Variants in CSMD1 observed in about 807,000 individuals in gnomAD.
CSMD1 encodes CUB and Sushi multiple domains 1.
CSMD1 carries 213 observed loss-of-function variants against 417.5 expected under a neutral mutation model. The observed-to-expected ratio is 0.51, with a 90% CI of 0.46 to 0.57. The LOEUF is 0.57. Ranked by LOEUF, CSMD1 falls within the 20% of genes least tolerant of loss-of-function variation. The pLI, the probability that CSMD1 is intolerant of heterozygous loss-of-function variation, is 0.00. For missense variants in CSMD1, 6,923 were observed against 4,529.7 expected (o/e 1.53, Z -15.17); for synonymous variants, 2,862 against 1,736.8 (o/e 1.65, Z -16.11).
intron 4 of CSMD1, among the ~76,000 whole-genome samples, chr8:4,002,970 T>C (rs550758338): frequency 6.6e-6 from 1 of 152,236 alleles, no homozygotes; most frequent in Admixed American, 6.5e-5. Context: ...AATAACTTTA[T>C]AAGTAAACCA....
At chr8:4,024,368 A>T (rs1056069481) in intron 4 of CSMD1, among the ~76,000 whole-genome samples, 2 of 152,230 alleles carry the variant, frequency 1.3e-5, no homozygotes, top group African/African-American at 4.8e-5. Context: ...CTGTGGCATA[A>T]GAGTATGGAT....
intron 10 of CSMD1, among the ~76,000 whole-genome samples, chr8:3,508,372 G>C (rs997719250): frequency 1.3e-5 from 2 of 151,676 alleles, no homozygotes; most frequent in East Asian, 2.0e-4. Context: ...CAGGGGGAGG[G>C]GGGAGGGATA....
rs573100500 is a variant in CSMD1 at position 3,503,786 on chromosome 8, A to T, written c.1345-10060T>A. On this transcript the variant is annotated intron_variant, in intron 10 of 69. Coordinates refer to ENST00000635120, the MANE Select transcript of CSMD1 (RefSeq NM_033225.6). Reference sequence around the variant, plus strand: ...CCTGTGGTTTCAAAATGGCCTAAAAAGCAGCCCCCCTCTTTCCTTGCCCTC... The same window carrying T: ...CCTGTGGTTTCAAAATGGCCTAAAATGCAGCCCCCCTCTTTCCTTGCCCTC... Among the ~76,000 whole-genome samples the T allele has an allele frequency of 2.6e-5, 4 of 152,064 alleles. No homozygotes were observed. In the South Asian group the frequency reaches 8.3e-4, roughly 32 times the overall value.
chr8:4,591,810 G>T (rs992932015), intron 2 of CSMD1, among the ~76,000 whole-genome samples: 1 of 152,164 alleles, frequency 6.6e-6, no homozygotes, highest in Non-Finnish European at 1.5e-5. Flanking sequence ...TGAGGCAGTG[G>T]CTACAGAAAG....
intron 47 of CSMD1, 61 bp downstream of exon 47, chr8:3,096,788 G>A (rs1223839921): frequency 5.7e-6 from 6 of 1,052,638 alleles, no homozygotes; most frequent in South Asian, 3.4e-5. Flanking sequence ...CTAAAACATT[G>A]TAATAGTGTT....
chr8:3,539,479 G>A (rs371623372), intron 10 of CSMD1, among the ~76,000 whole-genome samples: 7 of 152,144 alleles, frequency 4.6e-5, no homozygotes, highest in Admixed American at 4.6e-4. Flanking sequence ...CATCTCCAGA[G>A]CCTAAAACAC....
intron 26 of CSMD1, among the ~76,000 whole-genome samples, chr8:3,266,043 A>G (rs924781180): frequency 6.6e-5 from 10 of 151,948 alleles, no homozygotes; most frequent in African/African-American, 2.4e-4. Flanking sequence ...TGAGCTGGAA[A>G]TAGAGAGCTT....
chr8:2,962,037 T>C (rs1803538832), intron 61 of CSMD1, among the ~76,000 whole-genome samples: 1 of 152,184 alleles, frequency 6.6e-6, no homozygotes, highest in Non-Finnish European at 1.5e-5. Context: ...GAACACCCAT[T>C]ATTCTGCTTA....
At chr8:4,787,320 C>G (rs140903535) in intron 1 of CSMD1, 1 of 720,932 alleles carries the variant, frequency 1.4e-6, no homozygotes, top group East Asian at 2.7e-5. Context: ...AGCCCTCAGC[C>G]CACTCAGGAT....
intron 49 of CSMD1, 113 bp from the exon 50 acceptor site, chr8:3,052,760 G>A (rs1811943708): frequency 2.6e-6 from 2 of 768,672 alleles, no homozygotes; most frequent in South Asian, 2.8e-5. Flanking sequence ...TTAAAATTGT[G>A]AATTATATTT....
At chr8:4,839,424 A>G (rs1024900856) in intron 1 of CSMD1, among the ~76,000 whole-genome samples, 9 of 152,178 alleles carry the variant, frequency 5.9e-5, no homozygotes, top group Non-Finnish European at 1.3e-4. Context: ...TCTACTTTGT[A>G]TTTCTAGTTC....
intron 2 of CSMD1, among the ~76,000 whole-genome samples, chr8:4,619,119 T>A (rs1002135873): frequency 1.3e-5 from 2 of 152,164 alleles, no homozygotes; most frequent in Non-Finnish European, 2.9e-5. Context: ...ATTTCTCTAG[T>A]CTTTTGCCCT....
At chr8:3,729,688 C>T (rs938933556) in intron 6 of CSMD1, among the ~76,000 whole-genome samples, 5 of 128,528 alleles carry the variant, frequency 3.9e-5, no homozygotes, top group South Asian at 2.4e-4. Flanking sequence ...AGATGAAACT[C>T]GCCTCTTCTT....
At chr8:4,756,708 C>A (rs1585049793) in intron 1 of CSMD1, among the ~76,000 whole-genome samples, 1 of 152,138 alleles carries the variant, frequency 6.6e-6, no homozygotes, top group African/African-American at 2.4e-5. Context: ...CCCCATGGTT[C>A]CATATTTCTT....
At chr8:3,249,710 A>G (rs1474607847) in intron 26 of CSMD1, among the ~76,000 whole-genome samples, 10 of 152,212 alleles carry the variant, frequency 6.6e-5, no homozygotes, top group African/African-American at 2.4e-4. Context: ...GAAATAATAG[A>G]CATTTATAAT....
At chr8:4,060,862 C>A (rs1044615248) in intron 3 of CSMD1, among the ~76,000 whole-genome samples, 3 of 152,046 alleles carry the variant, frequency 2.0e-5, no homozygotes, top group Non-Finnish European at 4.4e-5. Flanking sequence ...GATGACCAGA[C>A]AGGAAGAAAA....
chr8:4,815,687 G>T (rs74656912), intron 1 of CSMD1, among the ~76,000 whole-genome samples: 1 of 83,572 alleles, frequency 1.2e-5, no homozygotes, highest in African/African-American at 5.8e-5. Context: ...CAAGACCAAA[G>T]CTGTCTCAAA....
chr8:3,993,704 T>C (rs759081925), intron 5 of CSMD1, among the ~76,000 whole-genome samples: 1 of 152,202 alleles, frequency 6.6e-6, no homozygotes, highest in South Asian at 2.1e-4. Flanking sequence ...AGATGTTTCT[T>C]TTGAAGTCAT....
chr8:3,989,525 T>A (rs892616397), intron 5 of CSMD1, among the ~76,000 whole-genome samples: 5 of 152,206 alleles, frequency 3.3e-5, no homozygotes, highest in Non-Finnish European at 7.3e-5. Flanking sequence ...CAGGGTAGGA[T>A]AAAGCACATG....
Sources: gnomAD v4.1 joint callset for allele counts (sites outside exome capture counted in the v4.1 genomes callset) on GRCh38, gnomAD v4.1.1 for gene constraint, MANE v1.5 for transcripts, NCBI Gene and HGNC (gene_info 2026-07-23, HGNC 2026-07-21) for gene names.